The following CCM2 variants were observed in gnomAD, a reference collection of about 807,000 sequenced individuals.
The protein encoded by CCM2 is cerebral cavernous malformations 2 protein.
In CCM2, 25 loss-of-function variants were observed where a neutral mutation model predicts 44.9. That is an observed-to-expected ratio of 0.56 (90% CI 0.41 to 0.78). The LOEUF (loss-of-function observed/expected upper bound fraction) is 0.78, where lower values mean the gene tolerates loss of function less well. CCM2 is among the 30% of genes least tolerant of loss of function. The pLI, the probability that CCM2 is intolerant of heterozygous loss-of-function variation, is 0.00. For synonymous variants in CCM2, 219 were observed against 241.1 expected (o/e 0.91, Z 0.85); for missense variants, 481 against 580.6 (o/e 0.83, Z 1.76).
intron 2 of CCM2, among the ~76,000 whole-genome samples, chr7:45,048,335 T>C (rs1324399968): frequency 6.6e-6 from 1 of 152,260 alleles, no homozygotes; most frequent in African/African-American, 2.4e-5. Context: ...TAATCCCACA[T>C]ACTCCAGTGT....
intron 1 of CCM2, among the ~76,000 whole-genome samples, chr7:45,026,279 AGT>A (rs1174276542): frequency 6.6e-6 from 1 of 152,228 alleles, no homozygotes; most frequent in East Asian, 1.9e-4. Flanking sequence ...GTGACAGTCC[AGT>A]TAATACCGGA....
At chr7:45,039,401 C>T (rs1797373426) in intron 2 of CCM2, among the ~76,000 whole-genome samples, 1 of 152,192 alleles carries the variant, frequency 6.6e-6, no homozygotes, top group Admixed American at 6.5e-5. Flanking sequence ...TTAAGCAGCC[C>T]CTACTGGCCC....
chr7:45,042,265 C>CAAAAAAAAAAAAAAAAAAAA lies in CCM2; in HGVS notation c.204+3849_204+3850insAAAAAAAAAAAAAAAAAAAA, dbSNP rs71565940. ...TGGGTAACAGAGCGAGATTCCATCTCAAAAAAAAAAGGTGCCGTTCCCTTC... is the reference window on the plus strand; with the variant it reads ...TGGGTAACAGAGCGAGATTCCATCTCAAAAAAAAAAAAAAAAAAAAAAAAAAAAAAGGTGCCGTTCCCTTC... On this transcript the variant is annotated intron_variant, in intron 2 of 9. Coordinates refer to ENST00000258781, the MANE Select transcript of CCM2 (RefSeq NM_031443.4). Among the ~76,000 whole-genome samples, 6 of 102,410 alleles carry CAAAAAAAAAAAAAAAAAAAA rather than the reference C, an allele frequency of 5.9e-5. 2 individuals are homozygous for CAAAAAAAAAAAAAAAAAAAA. Among genetic ancestry groups the CAAAAAAAAAAAAAAAAAAAA allele is most frequent in the Admixed American group, 1.1e-4 (1 of 9,500 alleles). 67.2% of individuals were successfully genotyped at this position (102,410 alleles called of 152,430 possible). A position where few individuals can be genotyped will look rare whatever the true frequency, so the allele number is the denominator to read the frequency against.
chr7:45,016,740 C>G (rs1796281814), intron 1 of CCM2, among the ~76,000 whole-genome samples: 1 of 152,060 alleles, frequency 6.6e-6, no homozygotes, highest in South Asian at 2.1e-4. Context: ...TCAAGCGATT[C>G]TCCTGCCTCA....
In CCM2 at chr7:45,008,356, CTTTTTTTTTTTTTTT is replaced by C. The variant is rs59435094; in HGVS notation, c.30+8006_30+8020del. Among the ~76,000 whole-genome samples the C allele has an allele frequency of 1.4e-3, 158 of 114,758 alleles. 3 individuals carry two copies. Among genetic ancestry groups the C allele is most frequent in the East Asian group, 7.0e-3 (30 of 4,294 alleles). 75.3% of individuals were successfully genotyped at this position (114,758 alleles called of 152,430 possible). A position where few individuals can be genotyped will look rare whatever the true frequency, so the allele number is the denominator to read the frequency against. On this transcript the variant is annotated intron_variant, in intron 1 of 9. Transcript: ENST00000258781. ...CCGTGCCTGGCCAAGGGTACATGTTCTTTTTTTTTTTTTTTTTTTTTTTTTTTGAGACAGTTTTGC... is the reference window on the plus strand; with the variant it reads ...CCGTGCCTGGCCAAGGGTACATGTTCTTTTTTTTTTTTGAGACAGTTTTGC...
At chr7:45,048,639 T>TG (rs1371222214) in intron 2 of CCM2, among the ~76,000 whole-genome samples, 1 of 152,114 alleles carries the variant, frequency 6.6e-6, no homozygotes, top group Non-Finnish European at 1.5e-5. Context: ...GGTGTGCACC[T>TG]GTAGTCCCAG....
chr7:45,017,968 C>T (rs896948808), intron 1 of CCM2, among the ~76,000 whole-genome samples: 1 of 152,194 alleles, frequency 6.6e-6, no homozygotes, highest in Non-Finnish European at 1.5e-5. Context: ...GATAGTTTTA[C>T]AGCAGCAGTC....
intron 1 of CCM2, among the ~76,000 whole-genome samples, chr7:45,017,905 T>C (rs1796328756): frequency 1.3e-5 from 2 of 151,850 alleles, no homozygotes; most frequent in South Asian, 4.2e-4. Context: ...TCTGACACAT[T>C]GTTTCACCTT....
At chr7:45,019,668 A>G (rs1245997599) in intron 1 of CCM2, among the ~76,000 whole-genome samples, 1 of 151,804 alleles carries the variant, frequency 6.6e-6, no homozygotes, top group Non-Finnish European at 1.5e-5. Context: ...CTGTGACCTT[A>G]AACTTCTGGG....
intron 1 of CCM2, among the ~76,000 whole-genome samples, chr7:45,035,233 C>T (rs959977023): frequency 2.0e-5 from 3 of 152,256 alleles, no homozygotes; most frequent in Non-Finnish European, 4.4e-5. Context: ...TATTTTGCCT[C>T]AGTTTAAGTG....
chr7:45,073,405 G>A (rs111447348), intron 7 of CCM2, 55 bp from the exon 8 acceptor site: 30 of 1,203,858 alleles, frequency 2.5e-5, no homozygotes, highest in Non-Finnish European at 3.5e-5. Context: ...CCTGAAACGT[G>A]TGTGGGATGG....
intron 1 of CCM2, among the ~76,000 whole-genome samples, chr7:45,002,965 C>T (rs1261337871): frequency 6.6e-6 from 1 of 152,180 alleles, no homozygotes; most frequent in Non-Finnish European, 1.5e-5. Context: ...GCTCTTCTGT[C>T]CTGATGTCTA....
At chr7:45,049,146 G>A (rs1429430288) in intron 2 of CCM2, among the ~76,000 whole-genome samples, 1 of 152,076 alleles carries the variant, frequency 6.6e-6, no homozygotes, top group Non-Finnish European at 1.5e-5. Context: ...TTGTGGTGAT[G>A]GGGTCTTGCC....
chr7:45,018,349 T>A (rs1233134382), intron 1 of CCM2, among the ~76,000 whole-genome samples: 1 of 152,132 alleles, frequency 6.6e-6, no homozygotes, highest in Non-Finnish European at 1.5e-5. Context: ...TTCAGCATTT[T>A]TTATTATTTA....
intron 1 of CCM2, among the ~76,000 whole-genome samples, chr7:45,007,667 A>G (rs150971064): frequency 2.0e-5 from 3 of 152,268 alleles, no homozygotes; most frequent in African/African-American, 2.4e-5. Context: ...ATCCCCTTTA[A>G]TAAGCATAAT....
At position 45,074,384 on chromosome 7, in the gene CCM2, G is replaced by C; in HGVS notation, c.1030G>C (p.Asp344His). Reference protein sequence around the residue: ...FCINLRQLYGDSRKFLLLGLR... With the variant: ...FCINLRQLYGHSRKFLLLGLR... ...CATCAACCTGCGGCAGCTCTACGGG[G>C]ACAGCCGCAAGTTCCTGCTGCTTGG... is the stretch of plus-strand genomic sequence containing the variant. The change falls in exon 9 of 10, where the codon GAC becomes CAC. Residue 344 changes from aspartate (D) to histidine (H), a missense_variant. Transcript: ENST00000258781. 6.2e-7 allele frequency: 1 copy of C among 1,613,486 alleles called. No individual in the cohort carries two copies. The highest frequency in any genetic ancestry group is 1.3e-5 in the African/African-American group (1 of 75,052).
chr7:45,041,337 C>T (rs1045057638), intron 2 of CCM2, among the ~76,000 whole-genome samples: 46 of 152,168 alleles, frequency 3.0e-4, no homozygotes, highest in Non-Finnish European at 2.5e-4. Context: ...TTTCCCTGTT[C>T]TTCTAGTTAA....
intron 1 of CCM2, among the ~76,000 whole-genome samples, chr7:45,007,413 C>T (rs544111377): frequency 2.0e-5 from 3 of 152,172 alleles, no homozygotes; most frequent in African/African-American, 7.2e-5. Context: ...ACAGCAACTG[C>T]TCTTCAAATG....
In CCM2 at chr7:45,051,546, C is replaced by T. The variant is rs558200424; in HGVS notation, c.205-12372C>T. The stretch of plus-strand genomic sequence containing the variant: ...CCTAGTAGCCGGGACTACAGGCGCC[C>T]GTCACCACGCCTGGCTAATTTATTT... On this transcript the variant is annotated intron_variant, in intron 2 of 9. Coordinates refer to ENST00000258781, the MANE Select transcript of CCM2 (RefSeq NM_031443.4). Among the ~76,000 whole-genome samples the T allele has an allele frequency of 1.8e-3, 262 of 142,928 alleles. 2 individuals are homozygous for T. The highest frequency in any genetic ancestry group is 6.6e-3 in the African/African-American group (255 of 38,410). 93.8% of individuals were successfully genotyped at this position (142,928 alleles called of 152,430 possible). A position where few individuals can be genotyped will look rare whatever the true frequency, so the allele number is the denominator to read the frequency against.
Sources: allele counts gnomAD v4.1 joint callset (sites outside exome capture counted in the v4.1 genomes callset), GRCh38; gene constraint gnomAD v4.1.1; transcripts MANE v1.5; gene names NCBI Gene and HGNC (gene_info 2026-07-23, HGNC 2026-07-21).